Variants in POTEF observed in about 807,000 individuals in gnomAD.
POTEF encodes the protein POTE ankyrin domain family member F.
A neutral mutation model predicts 83.2 loss-of-function variants in POTEF; 20 were observed. The observed-to-expected ratio is 0.24, with a 90% CI of 0.17 to 0.35. The LOEUF is 0.35. Ranked by LOEUF, POTEF falls within the 10% of genes least tolerant of loss-of-function variation. The pLI, the probability that POTEF is intolerant of heterozygous loss-of-function variation, is 1.00. For missense variants in POTEF, 550 were observed against 1,203.2 expected, an observed-to-expected ratio of 0.46 and a Z score of 8.03; for synonymous variants, 196 against 446.4, an observed-to-expected ratio of 0.44 and a Z score of 7.07.
intron 2 of POTEF, among the ~76,000 whole-genome samples, chr2:130,123,027 G>A (rs1310557603): frequency 1.5e-5 from 2 of 131,830 alleles, no homozygotes; most frequent in Admixed American, 8.0e-5. Flanking sequence ...TACATATAAC[G>A]TTCTCAGCAT....
intron 5 of POTEF, among the ~76,000 whole-genome samples, chr2:130,114,297 A>G (rs192940160): frequency 6.6e-6 from 1 of 151,414 alleles, no homozygotes; most frequent in Non-Finnish European, 1.5e-5. Context: ...AACAACAACA[A>G]CACACACACA....
chr2:130,117,006 T>C (rs1433220685), intron 3 of POTEF, among the ~76,000 whole-genome samples: 15 of 147,140 alleles, frequency 1.0e-4, no homozygotes, highest in South Asian at 2.1e-4. Flanking sequence ...GTCTGGCTTA[T>C]GTCTGATGAC....
intron 2 of POTEF, among the ~76,000 whole-genome samples, chr2:130,121,138 T>C (rs1173302224): frequency 1.3e-5 from 2 of 151,202 alleles, no homozygotes; most frequent in African/African-American, 2.5e-5. Context: ...CGCGTGCGCG[T>C]GCGGCGTGCT....
intron 9 of POTEF, among the ~76,000 whole-genome samples, chr2:130,100,984 GA>G (rs1684355964): frequency 6.8e-6 from 1 of 147,764 alleles, no homozygotes; most frequent in African/African-American, 2.6e-5. Flanking sequence ...GCCCAATGAA[GA>G]AAAAAAACGT....
intron 2 of POTEF, 80 bp from the exon 3 acceptor site, chr2:130,120,688 G>T: frequency 2.8e-6 from 3 of 1,087,134 alleles, no homozygotes; most frequent in Non-Finnish European, 3.9e-6. Context: ...CCCCACCCAG[G>T]GAAAACCCAC....
chr2:130,126,711 AT>A (rs923867105), intron 2 of POTEF, among the ~76,000 whole-genome samples: 13 of 152,092 alleles, frequency 8.5e-5, no homozygotes, highest in African/African-American at 2.9e-4. Context: ...TATACAACTG[AT>A]TTTTTTCCTC....
At chr2:130,126,715 T>G (rs1685100490) in intron 2 of POTEF, among the ~76,000 whole-genome samples, 1 of 152,006 alleles carries the variant, frequency 6.6e-6, no homozygotes, top group Non-Finnish European at 1.5e-5. Flanking sequence ...CAACTGATTT[T>G]TTTCCTCATC....
chr2:130,103,624 C>G lies in POTEF; in HGVS notation c.1127-1444G>C, dbSNP rs1178377760. Among the ~76,000 whole-genome samples the G allele has an allele frequency of 1.3e-5, 2 of 149,760 alleles. 1 individual carries two copies. Among genetic ancestry groups the G allele is most frequent in the African/African-American group, 5.0e-5 (2 of 39,794 alleles). On this transcript the variant is annotated intron_variant, in intron 8 of 16. Transcript: ENST00000409914. ...AGCATCATCTTACTCACATTTTACT[C>G]AGAAATTTCTTATTGAGTCCTGCTA...
chr2:130,127,968 C>A (rs1281470428), intron 1 of POTEF, 104 bp from the exon 2 acceptor site: 1 of 119,700 alleles, frequency 8.4e-6, no homozygotes, highest in Non-Finnish European at 1.7e-5. Context: ...ACCCACCCAC[C>A]GAAGTCCAGC....
At chr2:130,128,363 AAG>A (rs2104716385) in intron 1 of POTEF, among the ~76,000 whole-genome samples, 1 of 151,970 alleles carries the variant, frequency 6.6e-6, no homozygotes, top group South Asian at 2.1e-4. Flanking sequence ...TGGAAAAGAG[AAG>A]AGTCACCCGA....
rs781472805 is a variant in POTEF, at chr2:130,075,481, G to A, written c.1991C>T (p.Thr664Ile). Reference sequence around the variant, plus strand: ...TCTTAGCTGGCTCTGATGTTTCATTGTGTCTAGCTCCAGTCTTAGCATGGC... The same window carrying A: ...TCTTAGCTGGCTCTGATGTTTCATTATGTCTAGCTCCAGTCTTAGCATGGC... Reference protein sequence around the residue: ...EIAMLRLELDTMKHQSQLREK... With the variant: ...EIAMLRLELDIMKHQSQLREK... Residue 664 changes from threonine (T) to isoleucine (I), a missense_variant, in exon 17 of 17, where the codon ACA becomes ATA. By Grantham distance (89) the Thr-to-Ile change is moderately conservative. Coordinates refer to ENST00000409914, the MANE Select transcript of POTEF (RefSeq NM_001099771.2). 8.7e-6 allele frequency: 14 copies of A among 1,610,956 alleles called. 1 individual carries two copies. The highest frequency in any genetic ancestry group is 1.3e-5 in the African/African-American group (1 of 74,432).
intron 2 of POTEF, among the ~76,000 whole-genome samples, chr2:130,121,347 T>G (rs528950456): frequency 7.0e-6 from 1 of 143,104 alleles, no homozygotes; most frequent in Admixed American, 6.9e-5. Flanking sequence ...GGGCTAAGCG[T>G]CTGGAACTTG....
intron 7 of POTEF, among the ~76,000 whole-genome samples, chr2:130,109,016 T>C (rs1684628868): frequency 6.6e-6 from 1 of 151,356 alleles, no homozygotes; most frequent in Admixed American, 6.6e-5. Flanking sequence ...TCGACATACA[T>C]ACTAACAATA....
At chr2:130,106,296 G>C (rs915346237) in intron 8 of POTEF, among the ~76,000 whole-genome samples, 11 of 149,592 alleles carry the variant, frequency 7.4e-5, no homozygotes, top group Non-Finnish European at 1.5e-4. Flanking sequence ...TGGCACACAG[G>C]ATAAGACCTA....
chr2:130,116,207 G>C (rs1244469790), intron 3 of POTEF, among the ~76,000 whole-genome samples: 2 of 151,504 alleles, frequency 1.3e-5, no homozygotes, highest in East Asian at 3.8e-4. Flanking sequence ...CAAATGAATA[G>C]CATGGGCTCA....
chr2:130,103,008 C>A (rs1375819511), intron 8 of POTEF, among the ~76,000 whole-genome samples: 3 of 151,228 alleles, frequency 2.0e-5, no homozygotes, highest in Non-Finnish European at 4.4e-5. Flanking sequence ...TCAAAAATTA[C>A]TACTGACACC....
chr2:130,126,258 GC>G (rs1428160031), intron 2 of POTEF, among the ~76,000 whole-genome samples: 1 of 125,212 alleles, frequency 8.0e-6, no homozygotes, highest in African/African-American at 3.2e-5. Flanking sequence ...AGCCGAGATC[GC>G]CCCATTGCAC....
chr2:130,114,801 T>C (rs1050718054), intron 5 of POTEF, 80 bp downstream of exon 5: 16 of 1,441,700 alleles, frequency 1.1e-5, no homozygotes, highest in Middle Eastern at 2.6e-4. Flanking sequence ...CTTCCAAATA[T>C]GGAAGACTGG....
chr2:130,110,347 TC>T (rs1475843416), intron 7 of POTEF, among the ~76,000 whole-genome samples, 195 bp downstream of exon 7: 10 of 150,580 alleles, frequency 6.6e-5, no homozygotes, highest in Admixed American at 6.6e-4. Context: ...AGATAAAGAA[TC>T]CCGCACCCAT....
Sources: allele counts gnomAD v4.1 joint callset (sites outside exome capture counted in the v4.1 genomes callset), GRCh38; gene constraint gnomAD v4.1.1; transcripts MANE v1.5; gene names NCBI Gene and HGNC (gene_info 2026-07-23, HGNC 2026-07-21).